PTGER1: variants seen among roughly 807,000 people sequenced by gnomAD.
PTGER1 encodes the protein prostaglandin E2 receptor EP1 subtype.
Under a neutral mutation model 18.5 loss-of-function variants are expected in PTGER1, and 15 were observed. The ratio of observed to expected loss-of-function variants is 0.81; its 90% CI spans 0.54 to 1.25. The LOEUF (loss-of-function observed/expected upper bound fraction) is 1.25. Among genes scored for constraint, PTGER1 ranks in the 50% most tolerant of loss-of-function variants. PTGER1 has a pLI of 0.00. For missense variants in PTGER1, 567 were observed against 603.4 expected, an observed-to-expected ratio of 0.94 and a Z score of 0.63; for synonymous variants, 339 against 308.4, an observed-to-expected ratio of 1.10 and a Z score of -1.04.
rs1402395679 is a variant in PTGER1 at position 14,474,918 on chromosome 19, G to GC, written c.-18+343dup. Among the ~76,000 whole-genome samples the GC allele has an allele frequency of 2.0e-5, 3 of 152,024 alleles. No individual in the cohort carries two copies. The highest frequency in any genetic ancestry group is 4.4e-5 in the Non-Finnish European group (3 of 67,998). The stretch of plus-strand genomic sequence containing the variant: ...GTGCCATGGACCCATCTCTGCCCCT[G>GC]CCCCATGGACCTGCCTCTGCTCCAC... On this transcript the variant is annotated intron_variant, in intron 1 of 2. Coordinates refer to ENST00000292513, the MANE Select transcript of PTGER1 (RefSeq NM_000955.3). The surrounding 1 kb of genome is among the most constrained non-coding windows in gnomAD (Gnocchi z 5.4).
Position 14,472,592 on chromosome 19 carries a change from T to C in PTGER1, c.1177A>G (p.Ser393Gly). 6.3e-7 allele frequency: 1 copy of C among 1,596,846 alleles called. No homozygotes were observed. Among genetic ancestry groups the C allele is most frequent in the Non-Finnish European group, 8.5e-7 (1 of 1,173,960 alleles). ...PSAWEASSLR[S>G]SRHSGLSHF ...TGGCTGAGGCCGCTGTGCCGGGAGC[T>C]GCGCAGCGAGCTGGCCTCCCAGGCG... is the stretch of plus-strand genomic sequence containing the variant. The change falls in exon 3 of 3, where the codon AGC (serine) becomes GGC (glycine). Residue 393 changes from serine (S) to glycine (G), a missense_variant. Transcript: ENST00000292513.
chr19:14,474,303 G>A lies in PTGER1; in HGVS notation c.18C>T (p.Pro6=), dbSNP rs772855795. The A allele has an allele frequency of 3.5e-4, 533 of 1,528,406 alleles. No homozygotes were observed. The highest frequency in any genetic ancestry group is 3.4e-4 in the Non-Finnish European group (391 of 1,144,026). The allele number at this position is 1,528,406 out of a possible 1,614,324, so 94.7% of individuals were successfully genotyped here. ...CCTCGCCCGCCAGGCTCAGGTTGAG[G>A]GGCCCGCAAGGGCTCATGTCAGGCG... The part of the protein sequence containing the change: MSPCG[P]LNLSLAGEAT... Residue 6 remains proline, a synonymous_variant, in exon 2 of 3, where the codon CCC becomes CCT. Coordinates refer to ENST00000292513, the MANE Select transcript of PTGER1 (RefSeq NM_000955.3). This position sits in a 1 kb window ranked among gnomAD's most constrained non-coding sequence, Gnocchi z 5.4.
At position 14,473,584 on chromosome 19, in the gene PTGER1, C is replaced by A. The variant is rs1039484997; in HGVS notation, c.737G>T (p.Gly246Val). 6 of 1,492,188 alleles carry A rather than the reference C, an allele frequency of 4.0e-6. No individual in the cohort carries two copies. In the African/African-American group the frequency reaches 7.3e-5, roughly 18 times the overall value. 92.4% of individuals were successfully genotyped at this position (1,492,188 alleles called of 1,614,324 possible). A position where few individuals can be genotyped will look rare whatever the true frequency, so the allele number is the denominator to read the frequency against. ...RRSRRPPPAS[G>V]PDSRRRWGAH... ...CCCCCAGCGACGCCGGCTGTCGGGG[C>A]CTGAGGCCGGGGGAGGCCGTCGGGA... Residue 246 changes from glycine to valine, a missense_variant, in exon 2 of 3, where the codon GGC (glycine) becomes GTC (valine). Coordinates refer to ENST00000292513, the MANE Select transcript of PTGER1 (RefSeq NM_000955.3). This position sits in a 1 kb window ranked among gnomAD's most constrained non-coding sequence, Gnocchi z 7.1.
At position 14,472,698 on chromosome 19, in the gene PTGER1, G is replaced by A; in HGVS notation, c.1071C>T (p.Ala357=). ...DPWVYILLRQ[A]VLRQLLRLLP... is the part of the protein sequence containing the mutation. ...AGAGGCGAAGCAGTTGGCGCAGCAC[G>A]GCCTGGCGCAGTAGGATGTACACCC... Residue 357 remains alanine (A), a synonymous_variant, in exon 3 of 3, where the codon GCC becomes GCT. Coordinates refer to ENST00000292513, the MANE Select transcript of PTGER1 (RefSeq NM_000955.3). The A allele has an allele frequency of 6.2e-7, 1 of 1,611,940 alleles. No individual in the cohort carries two copies. Among genetic ancestry groups the A allele is most frequent in the South Asian group, 1.1e-5 (1 of 90,884 alleles).
At chr19:14,472,889 G>A in intron 2 of PTGER1, 63 bp from the exon 3 acceptor site, 3 of 1,471,520 alleles carry the variant, frequency 2.0e-6, no homozygotes, top group Admixed American at 2.2e-5. Flanking sequence ...CAGGGATGGT[G>A]GGGGCGTGGC....
In PTGER1 at chr19:14,472,729, T is replaced by G. The variant is rs747094911; in HGVS notation, c.1040A>C (p.Asp347Ala). The G allele has an allele frequency of 1.2e-5, 19 of 1,609,750 alleles. No homozygotes were observed. In the African/African-American group the frequency reaches 2.4e-4, roughly 20 times the overall value. ...GCGCAGTAGGATGTACACCCAAGGG[T>G]CCAGGATCTGGTTCCAGGAGGCAAG... ...VRLASWNQIL[D>A]PWVYILLRQA... Residue 347 changes from aspartate to alanine, a missense_variant, in exon 3 of 3, where the codon GAC becomes GCC. Asp to Ala is a moderately radical substitution (Grantham distance 126). Coordinates refer to ENST00000292513, the MANE Select transcript of PTGER1 (RefSeq NM_000955.3).
In PTGER1 at chr19:14,474,111, G is replaced by C. The variant is rs912506165; in HGVS notation, c.210C>G (p.Ala70=). The C allele has an allele frequency of 6.9e-7, 1 of 1,452,500 alleles. No individual in the cohort carries two copies. Among genetic ancestry groups the C allele is most frequent in the Non-Finnish European group, 9.0e-7 (1 of 1,111,076 alleles). 90.0% of individuals were successfully genotyped at this position (1,452,500 alleles called of 1,614,324 possible). A position where few individuals can be genotyped will look rare whatever the true frequency, so the allele number is the denominator to read the frequency against. Residue 70 remains alanine, a synonymous_variant, in exon 2 of 3, where the codon GCC becomes GCG. Transcript: ENST00000292513. This position sits in a 1 kb window ranked among gnomAD's most constrained non-coding sequence, Gnocchi z 5.4. ...AAGRLRRRRS[A]ATFLLFVASL... is the part of the protein sequence containing the mutation. ...TGGCCACGAACAGCAGGAAGGTGGC[G>C]GCCGAGCGGCGGCGTCGCAGGCGGC...
chr19:14,473,569 C>T lies in PTGER1; in HGVS notation c.752G>A (p.Arg251His), dbSNP rs1467896662. The T allele has an allele frequency of 1.3e-6, 2 of 1,504,248 alleles. No homozygotes were observed. The highest frequency in any genetic ancestry group is 1.8e-6 in the Non-Finnish European group (2 of 1,133,650). The allele number at this position is 1,504,248 out of a possible 1,614,324, so 93.2% of individuals were successfully genotyped here. Residue 251 changes from arginine (R) to histidine (H), a missense_variant, in exon 2 of 3, where the codon CGT becomes CAT. Coordinates refer to ENST00000292513, the MANE Select transcript of PTGER1 (RefSeq NM_000955.3). The surrounding 1 kb of genome is among the most constrained non-coding windows in gnomAD (Gnocchi z 7.1). ...PPPASGPDSR[R>H]RWGAHGPRSA... is the part of the protein sequence containing the mutation. Reference sequence around the variant, plus strand: ...GCGGGGTCCGTGCGCCCCCCAGCGACGCCGGCTGTCGGGGCCTGAGGCCGG... The same window carrying T: ...GCGGGGTCCGTGCGCCCCCCAGCGATGCCGGCTGTCGGGGCCTGAGGCCGG...
At position 14,472,756 on chromosome 19, in the gene PTGER1, C is replaced by G. The variant is rs765342823; in HGVS notation, c.1013G>C (p.Arg338Pro). Residue 338 changes from arginine to proline, a missense_variant, in exon 3 of 3, where the codon CGC (arginine) becomes CCC (proline). By Grantham distance (103) the Arg-to-Pro change is moderately radical. Transcript: ENST00000292513. The stretch of plus-strand genomic sequence containing the variant: ...CAGGATCTGGTTCCAGGAGGCAAGG[C>G]GCACGGCCAGGAACAGTGGCCGCTG... ...SLQRPLFLAVRLASWNQILDP... is the reference protein window; with the variant it reads ...SLQRPLFLAVPLASWNQILDP... 2 of 1,597,562 alleles carry G rather than the reference C, an allele frequency of 1.3e-6. No homozygotes were observed. The highest frequency in any genetic ancestry group is 1.7e-6 in the Non-Finnish European group (2 of 1,172,652).
rs1056289983 is a variant in PTGER1 at position 14,472,950 on chromosome 19, T to C, written c.943-124A>G. On this transcript the variant is annotated intron_variant, in intron 2 of 2. Transcript: ENST00000292513. ...GGCGAGCCGTCGCAGGGAGGGTAAA[T>C]GGGGATCCAGATGAGAAACGGATGC... 2.1e-5 allele frequency: 20 copies of C among 960,822 alleles called. No individual in the cohort carries two copies. In the African/African-American group the frequency reaches 3.0e-4, roughly 15 times the overall value. The allele number at this position is 960,822 out of a possible 1,614,324, so 59.5% of individuals were successfully genotyped here.
In PTGER1 at chr19:14,472,844, G is replaced by T; in HGVS notation, c.943-18C>A. The stretch of plus-strand genomic sequence containing the variant: ...ACCAACACCTGCGGGGGAAGCCGGT[G>T]TGAGCTATAGAGCAGGCGCGGGCGC... On this transcript the variant is annotated intron_variant, in intron 2 of 2. Coordinates refer to ENST00000292513, the MANE Select transcript of PTGER1 (RefSeq NM_000955.3). 1 of 1,541,640 alleles carries T rather than the reference G, an allele frequency of 6.5e-7. No individual in the cohort carries two copies.
chr19:14,473,960 C>G lies in PTGER1; in HGVS notation c.361G>C (p.Gly121Arg). 2 of 1,491,436 alleles carry G rather than the reference C, an allele frequency of 1.3e-6. No individual in the cohort carries two copies. The highest frequency in any genetic ancestry group is 1.8e-6 in the Non-Finnish European group (2 of 1,125,106). The allele number at this position is 1,491,436 out of a possible 1,614,324, so 92.4% of individuals were successfully genotyped here. Reference sequence around the variant, plus strand: ...CAGCCCAGCAGCAGCGGGCACAGGCCGAAGAAGACCATGCAGCCGCCCAGG... The same window carrying G: ...CAGCCCAGCAGCAGCGGGCACAGGCGGAAGAAGACCATGCAGCCGCCCAGG... ...HFLGGCMVFF[G>R]LCPLLLGCGM... Residue 121 changes from glycine (G) to arginine (R), a missense_variant, in exon 2 of 3, where the codon GGC (glycine) becomes CGC (arginine). By Grantham distance (125) the Gly-to-Arg change is moderately radical. Transcript: ENST00000292513. This position sits in a 1 kb window ranked among gnomAD's most constrained non-coding sequence, Gnocchi z 7.1.
In PTGER1 at chr19:14,472,569, G is replaced by A. The variant is rs761815491; in HGVS notation, c.1200C>T (p.Ser400=). 2 of 1,580,758 alleles carry A rather than the reference G, an allele frequency of 1.3e-6. No homozygotes were observed. The change falls in exon 3 of 3, where the codon AGC becomes AGT. Residue 400 remains serine (S), a synonymous_variant. Transcript: ENST00000292513. ...SLRSSRHSGL[S]HF ...GGGCCTCTGGTTGTGCTTAGAAGTG[G>A]CTGAGGCCGCTGTGCCGGGAGCTGC...
At chr19:14,472,985 A>G (rs549133958) in intron 2 of PTGER1, among the ~76,000 whole-genome samples, 159 bp from the exon 3 acceptor site, 2 of 151,780 alleles carry the variant, frequency 1.3e-5, no homozygotes, top group South Asian at 2.1e-4. Flanking sequence ...CGGAAAAAAA[A>G]GGGGGGCAAA....
intron 2 of PTGER1, 96 bp from the exon 3 acceptor site, chr19:14,472,922 A>C: frequency 1.6e-6 from 2 of 1,258,962 alleles, no homozygotes; most frequent in Non-Finnish European, 2.1e-6. Context: ...GCCTGGGAGG[A>C]GGGGCGAGCC....
In PTGER1 at chr19:14,474,277, G is replaced by A. The variant is rs1250501965; in HGVS notation, c.44C>T (p.Ala15Val). 1.2e-5 allele frequency: 18 copies of A among 1,530,782 alleles called. No individual in the cohort carries two copies. Among genetic ancestry groups the A allele is most frequent in the Middle Eastern group, 1.9e-4 (1 of 5,400 alleles). The allele number at this position is 1,530,782 out of a possible 1,614,324, so 94.8% of individuals were successfully genotyped here. Residue 15 changes from alanine to valine, a missense_variant, in exon 2 of 3, where the codon GCG (alanine) becomes GTG (valine). Transcript: ENST00000292513. This position sits in a 1 kb window ranked among gnomAD's most constrained non-coding sequence, Gnocchi z 5.4. Reference sequence around the variant, plus strand: ...GACCCAGGGCGCCGCGCATGTGGTCGCCTCGCCCGCCAGGCTCAGGTTGAG... The same window carrying A: ...GACCCAGGGCGCCGCGCATGTGGTCACCTCGCCCGCCAGGCTCAGGTTGAG... The part of the protein sequence containing the change: ...GPLNLSLAGE[A>V]TTCAAPWVPN...
chr19:14,473,518 G>A lies in PTGER1; in HGVS notation c.803C>T (p.Ser268Phe). The change falls in exon 2 of 3, where the codon TCC becomes TTC. Residue 268 changes from serine (S) to phenylalanine (F), a missense_variant. By Grantham distance (155) the Ser-to-Phe change is radical. Coordinates refer to ENST00000292513, the MANE Select transcript of PTGER1 (RefSeq NM_000955.3). This position sits in a 1 kb window ranked among gnomAD's most constrained non-coding sequence, Gnocchi z 7.1. ...PRSASASSASSIASASTFFGG... is the reference protein window; with the variant it reads ...PRSASASSASFIASASTFFGG... ...AAAGAAGGTGGAGGCCGAAGCGATGGACGAGGCGGACGAGGCGGAGGCCGA... is the reference window on the plus strand; with the variant it reads ...AAAGAAGGTGGAGGCCGAAGCGATGAACGAGGCGGACGAGGCGGAGGCCGA... The A allele has an allele frequency of 6.4e-7, 1 of 1,560,836 alleles. No individual in the cohort carries two copies. The highest frequency in any genetic ancestry group is 8.6e-7 in the Non-Finnish European group (1 of 1,158,314).
rs1368846229 is a variant in PTGER1, at chr19:14,474,356, G to T, written c.-17-19C>A. 6.8e-7 allele frequency: 1 copy of T among 1,466,352 alleles called. No homozygotes were observed. Among genetic ancestry groups the T allele is most frequent in the South Asian group, 1.3e-5 (1 of 77,132 alleles). 90.8% of individuals were successfully genotyped at this position (1,466,352 alleles called of 1,614,324 possible). On this transcript the variant is annotated intron_variant, in intron 1 of 2. Transcript: ENST00000292513. The surrounding 1 kb of genome is among the most constrained non-coding windows in gnomAD (Gnocchi z 5.4). ...AGGGGTGCTGGATAGAGGAGAGGAGGGCAGAGTGAGGCTGGCTGGGCCCGG... is the reference window on the plus strand; with the variant it reads ...AGGGGTGCTGGATAGAGGAGAGGAGTGCAGAGTGAGGCTGGCTGGGCCCGG...
Position 14,474,402 on chromosome 19 carries a change from C to A in PTGER1, c.-17-65G>T, listed in dbSNP as rs1179149163. On this transcript the variant is annotated intron_variant, in intron 1 of 2. Coordinates refer to ENST00000292513, the MANE Select transcript of PTGER1 (RefSeq NM_000955.3). The surrounding 1 kb of genome is among the most constrained non-coding windows in gnomAD (Gnocchi z 5.4). ...CCCGGGCGGGGACCAGCCCACGGTG[C>A]CATCTCAGAACATCAGGGCCTGTTT... 2.2e-6 allele frequency: 3 copies of A among 1,390,962 alleles called. No homozygotes were observed. The highest frequency in any genetic ancestry group is 3.0e-5 in the East Asian group (1 of 33,566). The allele number at this position is 1,390,962 out of a possible 1,614,324, so 86.2% of individuals were successfully genotyped here.
Sources: gnomAD v4.1 joint callset for allele counts (sites outside exome capture counted in the v4.1 genomes callset) on GRCh38, gnomAD v4.1.1 for gene constraint, Gnocchi (gnomAD v3.1) non-coding constraint, MANE v1.5 for transcripts, NCBI Gene and HGNC (gene_info 2026-07-23, HGNC 2026-07-21) for gene names.